Variants in NCK2 observed in about 807,000 individuals in gnomAD.
NCK2 encodes the protein cytoplasmic protein NCK2.
A neutral mutation model predicts 33.9 loss-of-function variants in NCK2; 16 were observed. The ratio of observed to expected loss-of-function variants is 0.47; its 90% CI spans 0.32 to 0.72. The LOEUF (loss-of-function observed/expected upper bound fraction) is 0.72, where lower values mean the gene tolerates loss of function less well. NCK2 is among the 30% of genes least tolerant of loss of function. The pLI, the probability that NCK2 is intolerant of heterozygous loss-of-function variation, is 0.03. For missense variants in NCK2, 418 were observed against 537.3 expected, an observed-to-expected ratio of 0.78 and a Z score of 2.19; for synonymous variants, 273 against 239.9, an observed-to-expected ratio of 1.14 and a Z score of -1.27.
At chr2:105,833,803 C>A (rs921253877) in intron 2 of NCK2, among the ~76,000 whole-genome samples, 3 of 151,990 alleles carry the variant, frequency 2.0e-5, no homozygotes, top group African/African-American at 7.2e-5. Flanking sequence ...TATAAACATC[C>A]CTCTTAGCAC....
intron 3 of NCK2, among the ~76,000 whole-genome samples, chr2:105,871,243 A>G (rs1414340728): frequency 6.6e-6 from 1 of 151,828 alleles, no homozygotes; most frequent in Non-Finnish European, 1.5e-5. Context: ...GATGAGGAGG[A>G]TGGTGAGCTG....
At chr2:105,873,246 A>G (rs1331379035) in intron 3 of NCK2, among the ~76,000 whole-genome samples, 2 of 152,036 alleles carry the variant, frequency 1.3e-5, no homozygotes, top group Admixed American at 6.5e-5. Context: ...CTCATGAGCC[A>G]CTCTCAGGAT....
rs1553458064 is a variant in NCK2 at position 105,830,693 on chromosome 2, G to GTGTGTGTGTGTGTGTGTGTA, written c.-17+14099_-17+14100insATGTGTGTGTGTGTGTGTGT. ...TTGGTGTGTGTGTGTGTGTGTGTGT[G>GTGTGTGTGTGTGTGTGTGTA]TGTGTGTGTGTGTGTGTGTGTGTTT... On this transcript the variant is annotated intron_variant, in intron 2 of 4. Coordinates refer to ENST00000233154, the MANE Select transcript of NCK2 (RefSeq NM_003581.5). 4.4e-3 allele frequency among the ~76,000 whole-genome samples: 652 copies of GTGTGTGTGTGTGTGTGTGTA among 148,012 alleles called. 9 individuals carry two copies. The highest frequency in any genetic ancestry group is 0.013 in the African/African-American group (523 of 39,112).
intron 3 of NCK2, among the ~76,000 whole-genome samples, chr2:105,859,394 C>T (rs1677426432): frequency 6.6e-6 from 1 of 152,160 alleles, no homozygotes; most frequent in African/African-American, 2.4e-5. Context: ...GCCACCCTAC[C>T]TACCTGGGAC....
At chr2:105,842,791 G>A (rs1221670412) in intron 2 of NCK2, among the ~76,000 whole-genome samples, 1 of 152,066 alleles carries the variant, frequency 6.6e-6, no homozygotes, top group Non-Finnish European at 1.5e-5. Flanking sequence ...GTGGGGACGG[G>A]ACCCAGCCCG....
chr2:105,793,328 T>C (rs146317213), intron 1 of NCK2, among the ~76,000 whole-genome samples: 83 of 152,298 alleles, frequency 5.4e-4, no homozygotes, highest in African/African-American at 1.9e-3. Context: ...ATGGTCCTAG[T>C]GGGAGTGTCA....
chr2:105,855,533 C>T (rs963971007), intron 3 of NCK2: 3 of 416,470 alleles, frequency 7.2e-6, no homozygotes, highest in African/African-American at 6.0e-5. Flanking sequence ...CTTGGGACCC[C>T]TGCACAGGTA....
intron 1 of NCK2, among the ~76,000 whole-genome samples, chr2:105,766,406 C>T (rs1192977087): frequency 6.6e-6 from 1 of 152,186 alleles, no homozygotes. Flanking sequence ...TCACTGTGGC[C>T]TCGACCTCCT....
chr2:105,850,234 A>AT (rs1399344603), intron 2 of NCK2, among the ~76,000 whole-genome samples: 1 of 152,114 alleles, frequency 6.6e-6, no homozygotes, highest in Non-Finnish European at 1.5e-5. Flanking sequence ...CTCTATGACC[A>AT]TTTTTTAATG....
rs188328889 is a variant in NCK2 at position 105,862,054 on chromosome 2, C to T, written c.226+6765C>T. On this transcript the variant is annotated intron_variant, in intron 3 of 4. Transcript: ENST00000233154. ...GGGAAGGCAGCCCTGCCCCGGGTAA[C>T]TAAAGGCCCTTTAGTTAGGGTTAGC... is the stretch of plus-strand genomic sequence containing the variant. Among the ~76,000 whole-genome samples, 43 of 152,204 alleles carry T rather than the reference C, an allele frequency of 2.8e-4. No individual in the cohort carries two copies. In the East Asian group the frequency reaches 7.3e-3, roughly 26 times the overall value.
chr2:105,756,868 G>A (rs995862251), intron 1 of NCK2, among the ~76,000 whole-genome samples: 9 of 152,288 alleles, frequency 5.9e-5, no homozygotes, highest in East Asian at 1.9e-4. Context: ...GCAATGGCAC[G>A]ATCTTGGCTC....
At chr2:105,862,466 C>T (rs1361051346) in intron 3 of NCK2, among the ~76,000 whole-genome samples, 3 of 152,178 alleles carry the variant, frequency 2.0e-5, no homozygotes, top group Non-Finnish European at 2.9e-5. Context: ...GTCACAGGTA[C>T]GAGACCCAGA....
At position 105,881,897 on chromosome 2, in the gene NCK2, G is replaced by C. The variant is rs763482146; in HGVS notation, c.796G>C (p.Ala266Pro). ...SDGPALHPAH[A>P]PQISYTGPSS... ...CGGGCCTGCCCTGCACCCTGCGCAC[G>C]CCCCACAGATAAGCTACACCGGGCC... The change falls in exon 4 of 5, where the codon GCC (alanine) becomes CCC (proline). Residue 266 changes from alanine (A) to proline (P), a missense_variant. Coordinates refer to ENST00000233154, the MANE Select transcript of NCK2 (RefSeq NM_003581.5). 6 of 1,569,304 alleles carry C rather than the reference G, an allele frequency of 3.8e-6. No homozygotes were observed. The highest frequency in any genetic ancestry group is 4.3e-6 in the Non-Finnish European group (5 of 1,157,928).
At chr2:105,784,185 C>T (rs1249188044) in intron 1 of NCK2, among the ~76,000 whole-genome samples, 1 of 152,172 alleles carries the variant, frequency 6.6e-6, no homozygotes, top group African/African-American at 2.4e-5. Flanking sequence ...TTCACTGCAG[C>T]CTCTACCTCT....
At chr2:105,859,951 T>C (rs12712222) in intron 3 of NCK2, among the ~76,000 whole-genome samples, 62,847 of 151,912 alleles carry the variant, frequency 0.41, 13,730 homozygotes, top group African/African-American at 0.55. Flanking sequence ...TATTATACTT[T>C]CGTTTTTAAG....
Position 105,881,770 on chromosome 2 carries a change from G to A in NCK2, c.669G>A (p.Glu223=), listed in dbSNP as rs187205335. The change falls in exon 4 of 5, where the codon GAG becomes GAA. Residue 223 remains glutamate (E), a synonymous_variant. Transcript: ENST00000233154. Reference sequence around the variant, plus strand: ...ACTTCGAGAAGGGGGAGACCATGGAGGTGATTGAGAAGCCGGAGAACGACC... The same window carrying A: ...ACTTCGAGAAGGGGGAGACCATGGAAGTGATTGAGAAGCCGGAGAACGACC... ...ELNFEKGETM[E]VIEKPENDPE... is the part of the protein sequence containing the mutation. 1 of 1,614,194 alleles carries A rather than the reference G, an allele frequency of 6.2e-7. No individual in the cohort carries two copies. The highest frequency in any genetic ancestry group is 1.3e-5 in the African/African-American group (1 of 75,078).
At position 105,863,234 on chromosome 2, in the gene NCK2, G is replaced by GGTCT; in HGVS notation, c.226+7949_226+7952dup. Among the ~76,000 whole-genome samples, 3 of 152,130 alleles carry GGTCT rather than the reference G, an allele frequency of 2.0e-5. 1 individual carries two copies. The highest frequency in any genetic ancestry group is 3.4e-3 in the Middle Eastern group (1 of 292). On this transcript the variant is annotated intron_variant, in intron 3 of 4. Transcript: ENST00000233154. ...CTCATTTCGGCATTATAGGATTGTG[G>GGTCT]GTCTGTCATCGTGATTATAAATATT...
chr2:105,873,132 G>C (rs1415145140), intron 3 of NCK2, among the ~76,000 whole-genome samples: 1 of 152,238 alleles, frequency 6.6e-6, no homozygotes, highest in African/African-American at 2.4e-5. Context: ...AAAAGGAATG[G>C]GTGTCAGCTG....
intron 3 of NCK2, among the ~76,000 whole-genome samples, chr2:105,871,496 CTT>C (rs991258196): frequency 1.3e-5 from 2 of 151,474 alleles, no homozygotes; most frequent in Non-Finnish European, 2.9e-5. Flanking sequence ...AATGGTTTTT[CTT>C]TTTTCTTTTT....
Sources: allele counts gnomAD v4.1 joint callset (sites outside exome capture counted in the v4.1 genomes callset), GRCh38; gene constraint gnomAD v4.1.1; transcripts MANE v1.5; gene names NCBI Gene and HGNC (gene_info 2026-07-23, HGNC 2026-07-21).